Variants in SBF2 observed in about 807,000 individuals in gnomAD.
SBF2 encodes myotubularin-related protein 13.
A neutral mutation model predicts 225.2 loss-of-function variants in SBF2; 112 were observed. That is an observed-to-expected ratio of 0.50 (90% confidence interval 0.43 to 0.58). The LOEUF is 0.58. Ranked by LOEUF, SBF2 falls within the 20% of genes least tolerant of loss-of-function variation. SBF2 has a pLI of 0.00. For synonymous variants in SBF2, 763 were observed against 773.3 expected, an observed-to-expected ratio of 0.99 and a Z score of 0.22; for missense variants, 1,996 against 2,206.2, an observed-to-expected ratio of 0.90 and a Z score of 1.91.
In SBF2 at chr11:9,992,125, C is replaced by T. The variant is rs72857152; in HGVS notation, c.1296+290G>A. On this transcript the variant is annotated intron_variant, in intron 12 of 39. Transcript: ENST00000256190. Reference sequence around the variant, plus strand: ...GTTACATGGATGAATTACATAGTGGCGAATTCTGAGATTTTAGTGCACTCA... The same window carrying T: ...GTTACATGGATGAATTACATAGTGGTGAATTCTGAGATTTTAGTGCACTCA... Among the ~76,000 whole-genome samples the T allele has an allele frequency of 0.054, 8,168 of 151,916 alleles. 309 individuals are homozygous for T. The highest frequency in any genetic ancestry group is 0.17 in the Middle Eastern group (51 of 294).
Position 10,257,664 on chromosome 11 carries a change from C to CAA in SBF2, c.55+36349_55+36350dup, listed in dbSNP as rs58743421. 7.9e-3 allele frequency among the ~76,000 whole-genome samples: 307 copies of CAA among 39,062 alleles called. 13 individuals are homozygous for CAA. The highest frequency in any genetic ancestry group is 0.023 in the East Asian group (26 of 1,108). 25.6% of individuals were successfully genotyped at this position (39,062 alleles called of 152,430 possible). On this transcript the variant is annotated intron_variant, in intron 1 of 39. Transcript: ENST00000256190. The stretch of plus-strand genomic sequence containing the variant: ...TGGGTGACAGAGTGAGGCCTTGCCT[C>CAA]AAAAAAAAAAAAAAAAAAAAAAAAA...
At chr11:9,866,708 C>G (rs1858250068) in intron 17 of SBF2, among the ~76,000 whole-genome samples, 2 of 152,088 alleles carry the variant, frequency 1.3e-5, no homozygotes. Flanking sequence ...GCACAGGCAA[C>G]AAAAGCAAAA....
chr11:10,298,363 C>T (rs1408612365), upstream of SBF2, among the ~76,000 whole-genome samples: 1 of 152,136 alleles, frequency 6.6e-6, no homozygotes, highest in Non-Finnish European at 1.5e-5. Flanking sequence ...TGCACTCCAG[C>T]CTGGGCAACA....
chr11:9,960,671 T>C (rs1565062665), intron 16 of SBF2: 1 of 152,124 alleles, frequency 6.6e-6, no homozygotes, highest in Non-Finnish European at 1.5e-5. Context: ...ATAATAATTA[T>C]TATTATTTTT....
intron 16 of SBF2, among the ~76,000 whole-genome samples, chr11:9,910,282 C>T (rs1240497263): frequency 6.6e-6 from 1 of 152,154 alleles, no homozygotes; most frequent in Non-Finnish European, 1.5e-5. Context: ...CACAGTGTAA[C>T]ACATTACTCA....
chr11:9,868,997 A>T lies in SBF2; in HGVS notation c.1930-10601T>A, dbSNP rs116010731. 5.0e-3 allele frequency among the ~76,000 whole-genome samples: 769 copies of T among 152,342 alleles called. 7 individuals carry two copies. Among genetic ancestry groups the T allele is most frequent in the African/African-American group, 0.018 (733 of 41,578 alleles). ...TGTAAAATTGTGATATTCTAATTCT[A>T]GCATTACTTCCTCACTCATTAGTTA... On this transcript the variant is annotated intron_variant, in intron 17 of 39. Transcript: ENST00000256190.
rs553606886 is a variant in SBF2, at chr11:10,229,973, C to G, written c.56-35986G>C. On this transcript the variant is annotated intron_variant, in intron 1 of 39. Transcript: ENST00000256190. Reference sequence around the variant, plus strand: ...AAGTCTCTTTGTAGGTCACTAAGGACTTGCTTTATGAATCTGGGTGCTCCT... The same window carrying G: ...AAGTCTCTTTGTAGGTCACTAAGGAGTTGCTTTATGAATCTGGGTGCTCCT... Among the ~76,000 whole-genome samples, 16 of 152,194 alleles carry G rather than the reference C, an allele frequency of 1.1e-4. No homozygotes were observed. In the East Asian group the frequency reaches 3.1e-3, roughly 29 times the overall value.
At chr11:10,249,369 G>C (rs1003030046) in intron 1 of SBF2, among the ~76,000 whole-genome samples, 1 of 152,072 alleles carries the variant, frequency 6.6e-6, no homozygotes, top group African/African-American at 2.4e-5. Flanking sequence ...ACTAATGTAA[G>C]AGTGAAATAT....
At position 9,918,110 on chromosome 11, in the gene SBF2, A is replaced by G. The variant is rs1318399332; in HGVS notation, c.1861-22099T>C. ...TAGGGACCACGAATTAAGCAGTTAT[A>G]TGATCATTGCCCTCTTGAAGCTTAA... On this transcript the variant is annotated intron_variant, in intron 16 of 39. Transcript: ENST00000256190. 1.3e-5 allele frequency among the ~76,000 whole-genome samples: 2 copies of G among 148,402 alleles called. 1 individual carries two copies. Among genetic ancestry groups the G allele is most frequent in the African/African-American group, 5.3e-5 (2 of 37,916 alleles).
At chr11:9,989,414 G>T in intron 13 of SBF2, 83 bp downstream of exon 13, 1 of 865,842 alleles carries the variant, frequency 1.2e-6, no homozygotes, top group Non-Finnish European at 1.8e-6. Flanking sequence ...ACGTAACCAC[G>T]TAACACCCGT....
At chr11:10,125,759 A>G (rs1405102767) in intron 2 of SBF2, among the ~76,000 whole-genome samples, 1 of 152,198 alleles carries the variant, frequency 6.6e-6, no homozygotes, top group Non-Finnish European at 1.5e-5. Context: ...CCAGGACACT[A>G]TACTGCATTT....
chr11:10,029,896 G>A, intron 4 of SBF2, 21 bp from the exon 5 acceptor site: 2 of 1,455,532 alleles, frequency 1.4e-6, no homozygotes, highest in Non-Finnish European at 1.9e-6. Flanking sequence ...ATAAATACAT[G>A]TAATTATTTC....
At chr11:10,102,531 G>C (rs965866485) in intron 2 of SBF2, among the ~76,000 whole-genome samples, 1 of 152,196 alleles carries the variant, frequency 6.6e-6, no homozygotes, top group African/African-American at 2.4e-5. Flanking sequence ...TTTCGTGAAA[G>C]ACAATGTAAT....
At chr11:10,197,002 C>A (rs1350019897) in intron 1 of SBF2, among the ~76,000 whole-genome samples, 5 of 151,494 alleles carry the variant, frequency 3.3e-5, no homozygotes, top group African/African-American at 1.2e-4. Context: ...AATAATACTA[C>A]AATAAACGTC....
At chr11:10,061,744 T>C (rs1303411171) in intron 2 of SBF2, among the ~76,000 whole-genome samples, 4 of 152,134 alleles carry the variant, frequency 2.6e-5, no homozygotes, top group Admixed American at 6.5e-5. Flanking sequence ...GAAGAATCAA[T>C]ATCATTAAAA....
intron 13 of SBF2, among the ~76,000 whole-genome samples, chr11:9,988,886 G>C (rs1415924894): frequency 6.6e-6 from 1 of 152,164 alleles, no homozygotes; most frequent in Non-Finnish European, 1.5e-5. Flanking sequence ...ATTTGATCCA[G>C]CAATCACACT....
intron 1 of SBF2, among the ~76,000 whole-genome samples, chr11:10,214,447 C>G (rs1355300387): frequency 6.6e-6 from 1 of 152,094 alleles, no homozygotes; most frequent in Non-Finnish European, 1.5e-5. Context: ...CACGGTGAAA[C>G]CCCATCTCTA....
At chr11:10,061,941 T>G (rs1950460493) in intron 2 of SBF2, among the ~76,000 whole-genome samples, 2 of 152,176 alleles carry the variant, frequency 1.3e-5, no homozygotes, top group South Asian at 4.1e-4. Context: ...GACTTCAAAC[T>G]ATAGTGCAAG....
intron 17 of SBF2, among the ~76,000 whole-genome samples, chr11:9,876,373 C>A (rs965541900): frequency 6.6e-6 from 1 of 152,158 alleles, no homozygotes; most frequent in African/African-American, 2.4e-5. Flanking sequence ...TTGTGTCCCC[C>A]TTAAATTCAT....
Sources: gnomAD v4.1 joint callset for allele counts (sites outside exome capture counted in the v4.1 genomes callset) on GRCh38, gnomAD v4.1.1 for gene constraint, MANE v1.5 for transcripts, NCBI Gene and HGNC (gene_info 2026-07-23, HGNC 2026-07-21) for gene names.